PCDHGA6: variants seen among roughly 807,000 people sequenced by gnomAD.
The protein encoded by PCDHGA6 is protocadherin gamma-A6.
A neutral mutation model predicts 60.6 loss-of-function variants in PCDHGA6; 41 were observed. The ratio of observed to expected loss-of-function variants is 0.68; its 90% CI spans 0.53 to 0.88. PCDHGA6 has a LOEUF of 0.88. Ranked by LOEUF, PCDHGA6 falls within the 40% of genes least tolerant of loss-of-function variation. The probability of loss-of-function intolerance (pLI) is 0.00; values close to 1 mark genes in which losing one functional copy is unlikely to be tolerated. For missense variants in PCDHGA6, 1,312 were observed against 1,203.0 expected, an observed-to-expected ratio of 1.09 and a Z score of -1.34; for synonymous variants, 594 against 524.4, an observed-to-expected ratio of 1.13 and a Z score of -1.81.
intron 1 of PCDHGA6, chr5:141,398,058 T>C (rs921277104): frequency 2.0e-6 from 3 of 1,525,504 alleles, no homozygotes; most frequent in African/African-American, 1.4e-5. Flanking sequence ...GATCCAAAAA[T>C]CTACAATACA....
At chr5:141,436,991 T>G (rs1016670604) in intron 1 of PCDHGA6, among the ~76,000 whole-genome samples, 2 of 152,238 alleles carry the variant, frequency 1.3e-5, no homozygotes, top group African/African-American at 4.8e-5. Flanking sequence ...AGAAGCAGTT[T>G]ACTTCAATGG....
At chr5:141,427,570 C>T (rs1487817661) in intron 1 of PCDHGA6, 1 of 662,270 alleles carries the variant, frequency 1.5e-6, no homozygotes, top group Admixed American at 2.1e-5. Context: ...GGCAAGCCTC[C>T]GCTCTCATCC....
chr5:141,482,588 C>T (rs559327092), intron 1 of PCDHGA6, among the ~76,000 whole-genome samples: 3 of 147,192 alleles, frequency 2.0e-5, no homozygotes, highest in Admixed American at 6.8e-5. Context: ...GCAGTGGGAC[C>T]AAACGGGAAA....
chr5:141,428,679 TGGATGA>T (rs1231732563), intron 1 of PCDHGA6: 1 of 163,254 alleles, frequency 6.1e-6, no homozygotes, highest in Non-Finnish European at 1.3e-5. Flanking sequence ...CATTTACAAA[TGGATGA>T]GGTTTAATTT....
In PCDHGA6 at chr5:141,376,018, C is replaced by T. The variant is rs761668305; in HGVS notation, c.1935C>T (p.Ala645=). ...CGCTCAAGCAGAGCCTAGTGGTGGC[C>T]GTCCAGGACCACGGCCAGCCCCCTC... is the stretch of plus-strand genomic sequence containing the variant. The part of the protein sequence containing the change: ...RDALKQSLVV[A]VQDHGQPPLS... The change falls in exon 1 of 4, where the codon GCC becomes GCT. Residue 645 remains alanine, a synonymous_variant. Coordinates refer to ENST00000517434, the MANE Select transcript of PCDHGA6 (RefSeq NM_018919.3). 16 of 1,613,312 alleles carry T rather than the reference C, an allele frequency of 9.9e-6. No homozygotes were observed. The highest frequency in any genetic ancestry group is 5.0e-5 in the Admixed American group (3 of 60,014).
At chr5:141,383,391 G>A (rs764733462) in intron 1 of PCDHGA6, 7 of 1,613,978 alleles carry the variant, frequency 4.3e-6, no homozygotes. Context: ...ATGTGGGCAC[G>A]AACTCCCTCC....
intron 1 of PCDHGA6, chr5:141,405,119 C>A: frequency 1.2e-6 from 2 of 1,614,024 alleles, no homozygotes; most frequent in South Asian, 1.1e-5. Context: ...GCACTCCTCG[C>A]ATCTGCTGCG....
At position 141,379,889 on chromosome 5, in the gene PCDHGA6, C is replaced by CTTT. The variant is rs70988800; in HGVS notation, c.2424+3410_2424+3412dup. On this transcript the variant is annotated intron_variant, in intron 1 of 3. Transcript: ENST00000517434. Reference sequence around the variant, plus strand: ...CTTATTTTATGGTCTGTGAAAGCCTCTTTTTTTTTTTTTTTTTTTTTTTTT... The same window carrying CTTT: ...CTTATTTTATGGTCTGTGAAAGCCTCTTTTTTTTTTTTTTTTTTTTTTTTTTTT... Among the ~76,000 whole-genome samples the CTTT allele has an allele frequency of 4.3e-3, 221 of 50,830 alleles. 36 individuals are homozygous for CTTT. The highest frequency in any genetic ancestry group is 5.4e-3 in the Non-Finnish European group (141 of 25,886). The allele number at this position is 50,830 out of a possible 152,430, so 33.3% of individuals were successfully genotyped here.
chr5:141,447,427 C>T (rs752438597), intron 1 of PCDHGA6, among the ~76,000 whole-genome samples: 2 of 152,174 alleles, frequency 1.3e-5, no homozygotes, highest in Non-Finnish European at 2.9e-5. Context: ...CGTGAGCCAC[C>T]GCACCCGGAG....
At chr5:141,461,242 T>G (rs1246270739) in intron 1 of PCDHGA6, among the ~76,000 whole-genome samples, 1 of 152,170 alleles carries the variant, frequency 6.6e-6, no homozygotes, top group Non-Finnish European at 1.5e-5. Context: ...TGTACTAATT[T>G]ATATTCCCAG....
chr5:141,454,010 G>A (rs998092071), intron 1 of PCDHGA6, among the ~76,000 whole-genome samples: 2 of 152,146 alleles, frequency 1.3e-5, no homozygotes, highest in African/African-American at 4.8e-5. Context: ...TAACATTTTA[G>A]AAAAATGTAT....
Position 141,485,399 on chromosome 5 carries a change from C to T in PCDHGA6, c.2425-9408C>T. On this transcript the variant is annotated intron_variant, in intron 1 of 3. Coordinates refer to ENST00000517434, the MANE Select transcript of PCDHGA6 (RefSeq NM_018919.3). This position sits in a 1 kb window ranked among gnomAD's most constrained non-coding sequence, Gnocchi z 5.7. ...TGGAGAGGTGAACCAAAGACACTTC[C>T]GTGTGGATTTGGACAGCGGAGCCCT... 3 of 1,614,000 alleles carry T rather than the reference C, an allele frequency of 1.9e-6. No homozygotes were observed. The highest frequency in any genetic ancestry group is 2.5e-6 in the Non-Finnish European group (3 of 1,179,922).
In PCDHGA6 at chr5:141,381,826, C is replaced by CTTCTTTTTTTTTTT. The variant is rs1777532522; in HGVS notation, c.2424+5321_2424+5322insCTTTTTTTTTTTTT. On this transcript the variant is annotated intron_variant, in intron 1 of 3. Transcript: ENST00000517434. ...TTTCTTTCTTTCTTTCTTTCTTCTT[C>CTTCTTTTTTTTTTT]TTTTTTTTTTTTTTTTTTTTTTGGC... Among the ~76,000 whole-genome samples the CTTCTTTTTTTTTTT allele has an allele frequency of 5.4e-5, 4 of 74,282 alleles. 1 individual carries two copies. Among genetic ancestry groups the CTTCTTTTTTTTTTT allele is most frequent in the African/African-American group, 2.5e-4 (4 of 16,176 alleles). The allele number at this position is 74,282 out of a possible 152,430, so 48.7% of individuals were successfully genotyped here.
intron 1 of PCDHGA6, chr5:141,405,458 T>C (rs2094670240): frequency 2.4e-6 from 3 of 1,231,152 alleles, no homozygotes; most frequent in Non-Finnish European, 2.3e-6. Flanking sequence ...CTTACTCTGT[T>C]ACCCAGGCTG....
At chr5:141,423,510 TGCGGACTC>T in intron 1 of PCDHGA6, 1 of 1,613,792 alleles carries the variant, frequency 6.2e-7, no homozygotes, top group South Asian at 1.1e-5. Context: ...TCTCTCTCAT[TGCGGACTC>T]GCAGAAGAGT....
rs1422052114 is a variant in PCDHGA6, at chr5:141,511,168, A to T, written c.2794A>T (p.Lys932Ter). The change falls in exon 4 of 4, where the codon AAG (lysine) becomes TAG (stop). Residue 932 changes from lysine to a stop codon, truncating the protein, a stop_gained. Coordinates refer to ENST00000517434, the MANE Select transcript of PCDHGA6 (RefSeq NM_018919.3). LOFTEE classifies it high-confidence loss of function. ...GAAGAAGTCGGGCAAGAAGGAGAAG[A>T]AGTAACATGGAGGCCAGGCCAAGAG... is the stretch of plus-strand genomic sequence containing the variant. The part of the protein sequence containing the change: ...NKKKSGKKEK[K>*] 1.4e-5 allele frequency: 22 copies of T among 1,614,038 alleles called. No individual in the cohort carries two copies. The highest frequency in any genetic ancestry group is 1.7e-5 in the Non-Finnish European group (20 of 1,180,008).
rs370242892 is a variant in PCDHGA6 at position 141,420,225 on chromosome 5, C to A, written c.2424+43718C>A. On this transcript the variant is annotated intron_variant, in intron 1 of 3. Coordinates refer to ENST00000517434, the MANE Select transcript of PCDHGA6 (RefSeq NM_018919.3). ...CTCAACAAAGATAGCATGCTACTGGCTAGCATTTTAACTCCCAGCGTTGAA... is the reference window on the plus strand; with the variant it reads ...CTCAACAAAGATAGCATGCTACTGGATAGCATTTTAACTCCCAGCGTTGAA... 13 of 1,603,470 alleles carry A rather than the reference C, an allele frequency of 8.1e-6. No homozygotes were observed. In the African/African-American group the frequency reaches 1.7e-4, roughly 21 times the overall value.
At position 141,487,905 on chromosome 5, in the gene PCDHGA6, G is replaced by A. The variant is rs1305989274; in HGVS notation, c.2425-6902G>A. The A allele has an allele frequency of 2.9e-6, 2 of 686,270 alleles. No individual in the cohort carries two copies. The highest frequency in any genetic ancestry group is 3.6e-5 in the African/African-American group (2 of 55,348). The allele number at this position is 686,270 out of a possible 1,614,324, so 42.5% of individuals were successfully genotyped here. ...GTGGAAGCATGATGATGGAATGTGG[G>A]AGCACAGGAGGCTACAGTGCACAGG... On this transcript the variant is annotated intron_variant, in intron 1 of 3. Coordinates refer to ENST00000517434, the MANE Select transcript of PCDHGA6 (RefSeq NM_018919.3). This position sits in a 1 kb window ranked among gnomAD's most constrained non-coding sequence, Gnocchi z 5.0.
At chr5:141,467,924 G>A (rs2099154404) in intron 1 of PCDHGA6, among the ~76,000 whole-genome samples, 1 of 152,042 alleles carries the variant, frequency 6.6e-6, no homozygotes, top group Non-Finnish European at 1.5e-5. Context: ...CTCCCAAAAT[G>A]CTAGGATTAC....
Sources: gnomAD v4.1 joint callset for allele counts (sites outside exome capture counted in the v4.1 genomes callset) on GRCh38, gnomAD v4.1.1 for gene constraint, Gnocchi (gnomAD v3.1) non-coding constraint, MANE v1.5 for transcripts, NCBI Gene and HGNC (gene_info 2026-07-23, HGNC 2026-07-21) for gene names.